The following RGS8 variants were observed in gnomAD, a reference collection of about 807,000 sequenced individuals.
RGS8 encodes regulator of G-protein signaling 8.
Under a neutral mutation model 21.7 loss-of-function variants are expected in RGS8, and 8 were observed. The observed-to-expected ratio is 0.37, with a 90% CI of 0.22 to 0.66. The LOEUF (loss-of-function observed/expected upper bound fraction) is 0.66, where lower values mean the gene tolerates loss of function less well. Among genes scored for constraint, RGS8 ranks in the 30% least tolerant of loss-of-function variants. RGS8 has a pLI of 0.59. For missense variants in RGS8, 157 were observed against 217.9 expected, an observed-to-expected ratio of 0.72 and a Z score of 1.76; for synonymous variants, 80 against 83.6, an observed-to-expected ratio of 0.96 and a Z score of 0.24.
exon 7 of RGS8, chr1:182,646,503 A>T: frequency 2.1e-6 from 1 of 485,014 alleles, no homozygotes; most frequent in Non-Finnish European, 3.6e-6. Flanking sequence ...GAAAAGGGTG[A>T]CAGCGGCAAG....
intron 5 of RGS8, among the ~76,000 whole-genome samples, chr1:182,652,124 G>A (rs1663050777): frequency 6.6e-6 from 1 of 152,254 alleles, no homozygotes; most frequent in African/African-American, 2.4e-5. Flanking sequence ...AAGCAACTCA[G>A]AAGAGCCTGT....
At chr1:182,733,014 A>C in the RGS8 span, among the ~76,000 whole-genome samples, 3 of 152,240 alleles carry the variant, frequency 2.0e-5, no homozygotes, top group Non-Finnish European at 4.4e-5. Flanking sequence ...TATTGTTCCT[A>C]ATGTAAGGAA....
the RGS8 span, among the ~76,000 whole-genome samples, chr1:182,696,194 A>G: frequency 6.6e-6 from 1 of 152,140 alleles, no homozygotes; most frequent in Non-Finnish European, 1.5e-5. Flanking sequence ...TTAGGAATTC[A>G]CCAATTACTC....
In RGS8 at chr1:182,648,345, G is replaced by C. The variant is rs1182585947; in HGVS notation, c.194-42C>G. ...AAGAAAAGAAGAGAGATAGGAAGCAGCTTAAGTTTAAGAACTGTAGAAGAA... is the reference window on the plus strand; with the variant it reads ...AAGAAAAGAAGAGAGATAGGAAGCACCTTAAGTTTAAGAACTGTAGAAGAA... On this transcript the variant is annotated intron_variant, in intron 5 of 6. Transcript: ENST00000483095. 1.9e-6 allele frequency: 3 copies of C among 1,596,384 alleles called. No individual in the cohort carries two copies. The African/African-American group carries it at 4.0e-5, about 21-fold the overall frequency.
chr1:182,669,626 G>A, exon 3 of RGS8: 1 of 1,614,242 alleles, frequency 6.2e-7, no homozygotes. Flanking sequence ...TTCATTACCT[G>A]CGTGGCATCA....
At chr1:182,665,990 C>T (rs1239230352) in exon 5 of RGS8, 1 of 1,613,688 alleles carries the variant, frequency 6.2e-7, no homozygotes, top group Non-Finnish European at 8.5e-7. Flanking sequence ...AGAAGCACAT[C>T]AAAGGAATCT....
downstream of RGS8, chr1:182,645,151 C>CAAAATGGT (rs1180928648): frequency 1.3e-5 from 2 of 152,226 alleles, no homozygotes. Context: ...TAAAAGGCCC[C>CAAAATGGT]TCACCCCTTA....
chr1:182,649,102 TA>T (rs146144913), intron 5 of RGS8, among the ~76,000 whole-genome samples: 10 of 148,366 alleles, frequency 6.7e-5, no homozygotes, highest in Middle Eastern at 3.4e-3. Context: ...ATACGTCTCA[TA>T]AAAAAAAAAT....
chr1:182,689,619 A>G, the RGS8 span, among the ~76,000 whole-genome samples: 1 of 152,158 alleles, frequency 6.6e-6, no homozygotes, highest in Non-Finnish European at 1.5e-5. Flanking sequence ...AATCAAAATC[A>G]CCCAGTCCTG....
intron 1 of RGS8, 25 bp from the exon 3 acceptor site, chr1:182,671,755 T>C: frequency 6.2e-7 from 1 of 1,613,844 alleles, no homozygotes; most frequent in Non-Finnish European, 8.5e-7. Context: ...GATCTTTCTT[T>C]TAGCAGTCAA....
chr1:182,671,823 TAC>T (rs1255875222), intron 1 of RGS8, 93 bp from the exon 3 acceptor site: 12 of 1,599,466 alleles, frequency 7.5e-6, no homozygotes, highest in Middle Eastern at 1.8e-4. Flanking sequence ...CACACACATA[TAC>T]ACACACAGGC....
intron 5 of RGS8, among the ~76,000 whole-genome samples, chr1:182,649,956 C>T (rs889317213): frequency 4.7e-5 from 7 of 150,220 alleles, no homozygotes; most frequent in South Asian, 4.2e-4. Flanking sequence ...TCTGTCGCCA[C>T]GCTGGAGTGC....
At chr1:182,720,958 CATATGTGTGTATATAT>C in the RGS8 span, among the ~76,000 whole-genome samples, 1 of 31,694 alleles carries the variant, frequency 3.2e-5, no homozygotes, top group African/African-American at 8.9e-5. Context: ...TATATACATA[CATATGTGTGTATATAT>C]ACATATATAC....
chr1:182,648,192 A>C (rs1369487473), exon 6 of RGS8: 2 of 1,613,760 alleles, frequency 1.2e-6, no homozygotes, highest in Non-Finnish European at 1.7e-6. Flanking sequence ...GGCCTTAGAG[A>C]CCAGTTTTGC....
chr1:182,653,808 A>G (rs1663136387), intron 5 of RGS8, among the ~76,000 whole-genome samples: 2 of 152,250 alleles, frequency 1.3e-5, no homozygotes, highest in African/African-American at 4.8e-5. Flanking sequence ...AATCTAACTG[A>G]CAAAATGTTG....
At chr1:182,747,175 C>T in the RGS8 span, among the ~76,000 whole-genome samples, 3 of 148,482 alleles carry the variant, frequency 2.0e-5, no homozygotes, top group African/African-American at 7.5e-5. Flanking sequence ...ACTGGGATTA[C>T]AGGCCTGAGC....
chr1:182,703,261 G>A, the RGS8 span, among the ~76,000 whole-genome samples: 1 of 152,176 alleles, frequency 6.6e-6, no homozygotes, highest in African/African-American at 2.4e-5. Context: ...ATGCTTGTGT[G>A]GCAGCAAAAG....
chr1:182,698,590 C>G, the RGS8 span, among the ~76,000 whole-genome samples: 1 of 152,160 alleles, frequency 6.6e-6, no homozygotes, highest in African/African-American at 2.4e-5. Context: ...TAGAAGCAAC[C>G]TTAAGTCCCT....
At chr1:182,679,544 A>G (rs536081754) in intron 1 of RGS8, among the ~76,000 whole-genome samples, 1 of 152,078 alleles carries the variant, frequency 6.6e-6, no homozygotes, top group Non-Finnish European at 1.5e-5. Flanking sequence ...CTCACCTTGC[A>G]TGCTACTTGG....
Sources: allele counts gnomAD v4.1 joint callset (sites outside exome capture counted in the v4.1 genomes callset), GRCh38; gene constraint gnomAD v4.1.1; transcripts MANE v1.5; gene names NCBI Gene and HGNC (gene_info 2026-07-23, HGNC 2026-07-21).